The following FUT9 variants were observed in gnomAD, a reference collection of about 807,000 sequenced individuals.
The protein encoded by FUT9 is fucosyltransferase 9, also known as 4-galactosyl-N-acetylglucosaminide 3-alpha-L-fucosyltransferase 9.
FUT9 carries 15 observed loss-of-function variants against 29.7 expected under a neutral mutation model. The observed-to-expected ratio is 0.51, with a 90% CI of 0.34 to 0.78. The LOEUF (loss-of-function observed/expected upper bound fraction) is 0.78, where lower values mean the gene tolerates loss of function less well. FUT9 is among the 30% of genes least tolerant of loss of function. The pLI is 0.01. For missense variants in FUT9, 319 were observed against 425.4 expected (o/e 0.75, Z 2.20); for synonymous variants, 169 against 153.7 (o/e 1.10, Z -0.74).
In FUT9 at chr6:96,170,912, G is replaced by C. The variant is rs76821157; in HGVS notation, c.-8-32236G>C. Among the ~76,000 whole-genome samples the C allele has an allele frequency of 5.7e-3, 869 of 152,218 alleles. 15 individuals carry two copies. The highest frequency in any genetic ancestry group is 0.02 in the African/African-American group (834 of 41,544). On this transcript the variant is annotated intron_variant, in intron 2 of 2. Transcript: ENST00000302103. Reference sequence around the variant, plus strand: ...GATTTAGTACATAAATGAAGTAACTGTCTACACTTTTGAGGACAACATGTA... The same window carrying C: ...GATTTAGTACATAAATGAAGTAACTCTCTACACTTTTGAGGACAACATGTA...
At chr6:96,105,867 C>G (rs185000712) in intron 1 of FUT9, among the ~76,000 whole-genome samples, 1 of 152,240 alleles carries the variant, frequency 6.6e-6, no homozygotes, top group East Asian at 1.9e-4. Context: ...TTATCAGCAT[C>G]TCTGGAAATA....
chr6:96,177,464 A>G (rs1234600803), intron 2 of FUT9, among the ~76,000 whole-genome samples: 10 of 152,112 alleles, frequency 6.6e-5, no homozygotes, highest in Admixed American at 6.6e-4. Context: ...ATTAAGGTTC[A>G]CAGAATTTGC....
intron 1 of FUT9, among the ~76,000 whole-genome samples, chr6:96,054,617 A>G (rs1041823874): frequency 6.6e-6 from 1 of 152,248 alleles, no homozygotes; most frequent in Non-Finnish European, 1.5e-5. Flanking sequence ...ATCATAATGC[A>G]ATGTAGCAGA....
intron 1 of FUT9, among the ~76,000 whole-genome samples, chr6:96,017,777 A>G (rs376595737): frequency 6.6e-6 from 1 of 152,300 alleles, no homozygotes; most frequent in East Asian, 1.9e-4. Flanking sequence ...TTTGAGGGGA[A>G]TATAAATTAA....
intron 2 of FUT9, among the ~76,000 whole-genome samples, chr6:96,125,846 C>G (rs1408805206): frequency 6.6e-6 from 1 of 152,168 alleles, no homozygotes; most frequent in East Asian, 1.9e-4. Flanking sequence ...ATCCTGCCTT[C>G]GTTTATTTTC....
At chr6:96,155,006 C>G (rs966210766) in intron 2 of FUT9, among the ~76,000 whole-genome samples, 1 of 152,188 alleles carries the variant, frequency 6.6e-6, no homozygotes, top group African/African-American at 2.4e-5. Flanking sequence ...GTTACCCAAA[C>G]TTTCTTAACA....
chr6:96,065,006 C>T (rs1008526786), intron 1 of FUT9, among the ~76,000 whole-genome samples: 1 of 152,172 alleles, frequency 6.6e-6, no homozygotes, highest in African/African-American at 2.4e-5. Flanking sequence ...TCCCTTGCTT[C>T]ACTCCACATT....
chr6:96,021,288 TG>T (rs1462812392), intron 1 of FUT9, among the ~76,000 whole-genome samples: 2 of 151,960 alleles, frequency 1.3e-5, no homozygotes, highest in Admixed American at 6.6e-5. Context: ...GTTGTTGTTT[TG>T]TTTTTTTTGG....
At chr6:96,113,453 G>T (rs1771848118) in intron 1 of FUT9, among the ~76,000 whole-genome samples, 1 of 151,818 alleles carries the variant, frequency 6.6e-6, no homozygotes, top group South Asian at 2.1e-4. Flanking sequence ...TGGCCAAGCT[G>T]GTCTTGAACT....
At chr6:96,115,379 T>C (rs1231920569) in intron 2 of FUT9, among the ~76,000 whole-genome samples, 1 of 152,218 alleles carries the variant, frequency 6.6e-6, no homozygotes, top group Non-Finnish European at 1.5e-5. Flanking sequence ...ATCCAGTGTG[T>C]ACTTATAGCA....
chr6:96,092,355 A>G (rs1427094956), intron 1 of FUT9, among the ~76,000 whole-genome samples: 1 of 152,144 alleles, frequency 6.6e-6, no homozygotes, highest in African/African-American at 2.4e-5. Context: ...AGAAAAATCT[A>G]TATTATGTAT....
At chr6:96,181,212 A>G (rs1303279443) in intron 2 of FUT9, among the ~76,000 whole-genome samples, 2 of 152,008 alleles carry the variant, frequency 1.3e-5, no homozygotes, top group African/African-American at 4.8e-5. Flanking sequence ...ACTCACTTCA[A>G]TGAAAGACTG....
At chr6:96,049,457 C>T (rs1770626126) in intron 1 of FUT9, among the ~76,000 whole-genome samples, 1 of 152,166 alleles carries the variant, frequency 6.6e-6, no homozygotes, top group Admixed American at 6.5e-5. Flanking sequence ...TAGTCCTGTC[C>T]TTCTTGAGTG....
chr6:96,195,262 A>T (rs1773602370), intron 2 of FUT9, among the ~76,000 whole-genome samples: 1 of 152,162 alleles, frequency 6.6e-6, no homozygotes, highest in African/African-American at 2.4e-5. Flanking sequence ...TGAATCAGGG[A>T]TTTATTATTA....
chr6:96,198,597 T>C (rs1258338831), intron 2 of FUT9, among the ~76,000 whole-genome samples: 2 of 152,198 alleles, frequency 1.3e-5, no homozygotes, highest in Non-Finnish European at 2.9e-5. Flanking sequence ...TGTGTCTTTA[T>C]AGCAGCATGA....
chr6:96,092,370 A>T (rs1771425480), intron 1 of FUT9, among the ~76,000 whole-genome samples: 2 of 152,202 alleles, frequency 1.3e-5, no homozygotes, highest in South Asian at 4.1e-4. Flanking sequence ...ATGTATTCTG[A>T]TAGATATATT....
At chr6:96,135,590 T>C (rs1346101784) in intron 2 of FUT9, among the ~76,000 whole-genome samples, 2 of 151,658 alleles carry the variant, frequency 1.3e-5, no homozygotes, top group East Asian at 1.9e-4. Context: ...GTATACTGCA[T>C]AAAGACATGC....
intron 1 of FUT9, among the ~76,000 whole-genome samples, chr6:96,064,912 A>T (rs1355107738): frequency 6.6e-6 from 1 of 152,220 alleles, no homozygotes. Flanking sequence ...GTGTATGAAG[A>T]AATATTGTAG....
chr6:96,207,602 G>A lies in FUT9; in HGVS notation c.*3367G>A, dbSNP rs1773857126. ...CAGCCACTCCTTTAATAAATCCTGT[G>A]GGTTGCAATTCTTTGTAAGAAACTC... On this transcript the variant is annotated 3_prime_UTR_variant, in exon 3 of 3. Coordinates refer to ENST00000302103, the MANE Select transcript of FUT9 (RefSeq NM_006581.4). 1 of 166,840 alleles carries A rather than the reference G, an allele frequency of 6.0e-6. No homozygotes were observed. The highest frequency in any genetic ancestry group is 6.6e-5 in the Admixed American group (1 of 15,244). 10.3% of individuals were successfully genotyped at this position (166,840 alleles called of 1,614,324 possible).
Sources: allele counts gnomAD v4.1 joint callset (sites outside exome capture counted in the v4.1 genomes callset), GRCh38; gene constraint gnomAD v4.1.1; transcripts MANE v1.5; gene names NCBI Gene and HGNC (gene_info 2026-07-23, HGNC 2026-07-21).